Variants in CNTN5 observed in about 807,000 individuals in gnomAD.
CNTN5 encodes the protein contactin 5, also known as contactin-5.
In CNTN5, 77 loss-of-function variants were observed where a neutral mutation model predicts 129.1. That is an observed-to-expected ratio of 0.60 (90% CI 0.50 to 0.72). CNTN5 has a LOEUF of 0.72. CNTN5 is among the 30% of genes least tolerant of loss of function. The pLI is 0.00. For missense variants in CNTN5, 1,478 were observed against 1,328.8 expected, an observed-to-expected ratio of 1.11 and a Z score of -1.75; for synonymous variants, 509 against 465.6, an observed-to-expected ratio of 1.09 and a Z score of -1.20.
At chr11:99,188,831 A>G (rs573142942) in intron 1 of CNTN5, among the ~76,000 whole-genome samples, 8 of 151,788 alleles carry the variant, frequency 5.3e-5, no homozygotes, top group African/African-American at 1.9e-4. Context: ...ATATGCATTA[A>G]CAGACATACT....
chr11:99,315,478 A>C (rs1056584106), intron 1 of CNTN5, among the ~76,000 whole-genome samples: 1 of 149,560 alleles, frequency 6.7e-6, no homozygotes, highest in Admixed American at 6.7e-5. Context: ...TTGGAGATGG[A>C]AAAGAAAATT....
chr11:99,752,777 A>T (rs1449816114), intron 3 of CNTN5, among the ~76,000 whole-genome samples: 1 of 152,232 alleles, frequency 6.6e-6, no homozygotes. Context: ...GAAAAGCATT[A>T]TCCGGTAGAA....
At chr11:99,746,155 C>G (rs977052469) in intron 3 of CNTN5, among the ~76,000 whole-genome samples, 1 of 152,276 alleles carries the variant, frequency 6.6e-6, no homozygotes, top group South Asian at 2.1e-4. Flanking sequence ...TTGCCCAAAC[C>G]AATGGCAAGA....
chr11:100,197,758 G>GCAAAAGCA (rs1478731640), intron 15 of CNTN5, among the ~76,000 whole-genome samples: 1 of 151,948 alleles, frequency 6.6e-6, no homozygotes, highest in African/African-American at 2.4e-5. Flanking sequence ...TGAATATCAT[G>GCAAAAGCA]GTGGCCTGCA....
At chr11:99,975,831 A>G (rs1937916935) in intron 8 of CNTN5, among the ~76,000 whole-genome samples, 1 of 152,182 alleles carries the variant, frequency 6.6e-6, no homozygotes. Flanking sequence ...CCCAAATCTC[A>G]TGTCCTTCCA....
intron 6 of CNTN5, among the ~76,000 whole-genome samples, chr11:99,869,969 G>C (rs1478887476): frequency 6.6e-6 from 1 of 152,020 alleles, no homozygotes; most frequent in East Asian, 1.9e-4. Flanking sequence ...ATGCTGTCTG[G>C]AAATGGAAAT....
At chr11:99,458,514 C>T (rs987145060) in intron 2 of CNTN5, among the ~76,000 whole-genome samples, 9 of 151,654 alleles carry the variant, frequency 5.9e-5, no homozygotes, top group South Asian at 4.2e-4. Context: ...AATTGGGAAA[C>T]GGTAAAGGAA....
chr11:100,069,986 A>G (rs1413281362), intron 10 of CNTN5, among the ~76,000 whole-genome samples: 1 of 152,158 alleles, frequency 6.6e-6, no homozygotes, highest in Non-Finnish European at 1.5e-5. Flanking sequence ...TCATTTTTCC[A>G]AAGTCATTCA....
chr11:99,420,830 T>C (rs971892142), intron 2 of CNTN5, among the ~76,000 whole-genome samples: 1 of 152,276 alleles, frequency 6.6e-6, no homozygotes, highest in South Asian at 2.1e-4. Context: ...ATATATTTCC[T>C]ATTTCCTACT....
chr11:99,636,557 A>C (rs1364108373), intron 3 of CNTN5, among the ~76,000 whole-genome samples: 1 of 151,952 alleles, frequency 6.6e-6, no homozygotes, highest in Non-Finnish European at 1.5e-5. Flanking sequence ...CAGGAGTAGA[A>C]GATTGAAGGG....
At chr11:99,950,322 CA>C (rs768977006) in intron 7 of CNTN5, among the ~76,000 whole-genome samples, 15 of 150,970 alleles carry the variant, frequency 9.9e-5, no homozygotes, top group Non-Finnish European at 1.6e-4. Context: ...ACTAAAAATA[CA>C]AAAAAAAATT....
intron 15 of CNTN5, among the ~76,000 whole-genome samples, chr11:100,218,716 T>A (rs1949196128): frequency 6.6e-6 from 1 of 152,216 alleles, no homozygotes; most frequent in African/African-American, 2.4e-5. Context: ...ACATATGAGA[T>A]ATAATTTGTA....
At chr11:99,822,859 C>G (rs140237864) in intron 4 of CNTN5, among the ~76,000 whole-genome samples, 5 of 152,308 alleles carry the variant, frequency 3.3e-5, no homozygotes, top group Non-Finnish European at 5.9e-5. Flanking sequence ...GATATGACTC[C>G]CAACAATGGG....
At chr11:99,057,955 A>G (rs1591118465) in intron 1 of CNTN5, among the ~76,000 whole-genome samples, 1 of 151,988 alleles carries the variant, frequency 6.6e-6, no homozygotes. Context: ...ATGTGGATAT[A>G]AGGAAAATAA....
intron 2 of CNTN5, among the ~76,000 whole-genome samples, chr11:99,477,140 A>G (rs1325662038): frequency 6.6e-6 from 1 of 151,966 alleles, no homozygotes; most frequent in East Asian, 1.9e-4. Flanking sequence ...ATATCCTTAA[A>G]TGAATATATA....
At chr11:99,512,589 A>G (rs1415816615) in intron 2 of CNTN5, among the ~76,000 whole-genome samples, 11 of 152,102 alleles carry the variant, frequency 7.2e-5, no homozygotes, top group Admixed American at 4.6e-4. Flanking sequence ...CCATTTTTTC[A>G]ACATCATGTG....
chr11:99,587,889 A>G (rs1331792662), intron 3 of CNTN5, among the ~76,000 whole-genome samples: 2 of 152,212 alleles, frequency 1.3e-5, no homozygotes, highest in Non-Finnish European at 2.9e-5. Context: ...GGTTCTGCTT[A>G]ATAAAGTGGA....
At chr11:99,236,439 T>G (rs554101741) in intron 1 of CNTN5, among the ~76,000 whole-genome samples, 1 of 147,808 alleles carries the variant, frequency 6.8e-6, no homozygotes, top group Non-Finnish European at 1.5e-5. Context: ...TCACAAATCT[T>G]AGCAAACATT....
At chr11:99,706,141 A>T (rs1177337289) in intron 3 of CNTN5, among the ~76,000 whole-genome samples, 1 of 151,492 alleles carries the variant, frequency 6.6e-6, no homozygotes, top group Non-Finnish European at 1.5e-5. Flanking sequence ...GCTGCTATCA[A>T]TAAAAGAGGG....
Sources: gnomAD v4.1 joint callset for allele counts (sites outside exome capture counted in the v4.1 genomes callset) on GRCh38, gnomAD v4.1.1 for gene constraint, MANE v1.5 for transcripts, NCBI Gene and HGNC (gene_info 2026-07-23, HGNC 2026-07-21) for gene names.